Variants in SPAG17 observed in about 807,000 individuals in gnomAD.
SPAG17 encodes sperm associated antigen 17, also known as sperm-associated antigen 17.
In SPAG17, 169 loss-of-function variants were observed where a neutral mutation model predicts 273.6. The observed-to-expected ratio is 0.62, with a 90% confidence interval of 0.55 to 0.70. SPAG17 has a LOEUF of 0.70. SPAG17 is among the 30% of genes least tolerant of loss of function. SPAG17 has a pLI of 0.00. For missense variants in SPAG17, 2,557 were observed against 2,627.8 expected (o/e 0.97, Z 0.59); for synonymous variants, 825 against 873.2 (o/e 0.94, Z 0.97).
At chr1:118,000,757 T>A (rs902859532) in intron 32 of SPAG17, among the ~76,000 whole-genome samples, 1 of 152,202 alleles carries the variant, frequency 6.6e-6, no homozygotes, top group Non-Finnish European at 1.5e-5. Flanking sequence ...TACAATCATG[T>A]CATCTGCAAA....
chr1:118,100,932 A>G (rs952359797), intron 5 of SPAG17, among the ~76,000 whole-genome samples: 2 of 152,030 alleles, frequency 1.3e-5, no homozygotes, highest in Non-Finnish European at 2.9e-5. Flanking sequence ...AAATTAACTG[A>G]TCTGATTTTA....
chr1:118,160,580 A>G (rs1659861143), intron 1 of SPAG17, among the ~76,000 whole-genome samples: 3 of 152,362 alleles, frequency 2.0e-5, no homozygotes, highest in East Asian at 3.9e-4. Context: ...CTACAAAGCC[A>G]TGGATATAAT....
chr1:118,172,760 A>C (rs1262724889), intron 1 of SPAG17, among the ~76,000 whole-genome samples: 2 of 152,176 alleles, frequency 1.3e-5, no homozygotes, highest in African/African-American at 4.8e-5. Context: ...ACCATGCTTC[A>C]CTTAACATTA....
At chr1:118,001,702 C>T (rs955889912) in intron 32 of SPAG17, among the ~76,000 whole-genome samples, 2 of 151,940 alleles carry the variant, frequency 1.3e-5, no homozygotes, top group Non-Finnish European at 2.9e-5. Flanking sequence ...CTATTTGATT[C>T]TTCTCTCTTT....
rs761509904 is a variant in SPAG17 at position 118,073,896 on chromosome 1, G to C, written c.2343C>G (p.Asp781Glu). 3.2e-6 allele frequency: 5 copies of C among 1,578,226 alleles called. No homozygotes were observed. The highest frequency in any genetic ancestry group is 3.4e-6 in the Non-Finnish European group (4 of 1,167,934). Residue 781 changes from aspartate (D) to glutamate (E), a missense_variant, in exon 17 of 49, where the codon GAC becomes GAG. Transcript: ENST00000336338. The part of the protein sequence containing the change: ...IKKTQQRSLM[D>E]WSFTEHFKPK... The stretch of plus-strand genomic sequence containing the variant: ...GTTTAAAATGTTCAGTAAAACTCCA[G>C]TCCATTAGACTGCGCTGCTGTGTTT...
At chr1:118,062,196 G>A (rs1439732210) in intron 18 of SPAG17, among the ~76,000 whole-genome samples, 2 of 151,526 alleles carry the variant, frequency 1.3e-5, no homozygotes, top group African/African-American at 2.4e-5. Context: ...GTGAAATCCC[G>A]TCTCTACTAA....
chr1:118,101,980 T>G, intron 4 of SPAG17, 54 bp from the exon 5 acceptor site: 1 of 1,411,460 alleles, frequency 7.1e-7, no homozygotes, highest in Non-Finnish European at 9.8e-7. Flanking sequence ...AAGCAATGGC[T>G]TTTCTACTGC....
At chr1:118,117,243 G>A (rs1414202591) in intron 3 of SPAG17, among the ~76,000 whole-genome samples, 3 of 152,128 alleles carry the variant, frequency 2.0e-5, no homozygotes, top group Non-Finnish European at 2.9e-5. Context: ...ACTGAAAAGT[G>A]TTACCCCAGA....
chr1:117,957,038 G>A, intron 48 of SPAG17: 1 of 1,529,270 alleles, frequency 6.5e-7, no homozygotes, highest in Admixed American at 2.2e-5. Flanking sequence ...AACAAATGTG[G>A]CATTTTTATA....
intron 3 of SPAG17, among the ~76,000 whole-genome samples, chr1:118,128,618 A>G: frequency 6.6e-6 from 1 of 152,142 alleles, no homozygotes; most frequent in African/African-American, 2.4e-5. Context: ...GAGACTAGTG[A>G]TTGAGACCCT....
At chr1:118,047,592 C>T (rs1007925949) in intron 20 of SPAG17, among the ~76,000 whole-genome samples, 1 of 152,128 alleles carries the variant, frequency 6.6e-6, no homozygotes, top group African/African-American at 2.4e-5. Context: ...GGACAGTCCT[C>T]AGATCCCAGA....
intron 17 of SPAG17, 80 bp from the exon 18 acceptor site, chr1:118,066,979 C>T: frequency 1.5e-6 from 2 of 1,341,018 alleles, no homozygotes; most frequent in Non-Finnish European, 2.0e-6. Flanking sequence ...CATTTCTCTA[C>T]TCCCTTTTTT....
intron 17 of SPAG17, among the ~76,000 whole-genome samples, chr1:118,069,284 G>T (rs909460602): frequency 7.0e-6 from 1 of 142,216 alleles, no homozygotes; most frequent in Non-Finnish European, 1.5e-5. Context: ...GGCGGAGGTT[G>T]CAGTGAGCCG....
intron 3 of SPAG17, among the ~76,000 whole-genome samples, chr1:118,126,043 G>GGTT (rs374451307): frequency 7.3e-6 from 1 of 136,750 alleles, no homozygotes; most frequent in African/African-American, 2.7e-5. Flanking sequence ...GTTATTTTCT[G>GGTT]TTTTTTTTTT....
In SPAG17 at chr1:118,041,983, TTTC is replaced by T; in HGVS notation, c.2871_2873del (p.Lys958del). The stretch of plus-strand genomic sequence containing the variant: ...CAGCTTCTTTACCCTTCTTCTCTGC[TTTC>T]TTTTCTTCCCTTAAGCGCTCCTCTT... On this transcript the variant is annotated inframe_deletion, in exon 21 of 49. Coordinates refer to ENST00000336338, the MANE Select transcript of SPAG17 (RefSeq NM_206996.4). The T allele has an allele frequency of 6.2e-7, 1 of 1,614,072 alleles. No individual in the cohort carries two copies. The highest frequency in any genetic ancestry group is 8.5e-7 in the Non-Finnish European group (1 of 1,179,966).
chr1:117,979,860 A>AT lies in SPAG17; in HGVS notation c.6004+1409dup, dbSNP rs945961239. ...TTCTTATACTTGTCTCAACTCAACT[A>AT]TTTTTTTACAATGAGGCCTTCTAAT... On this transcript the variant is annotated intron_variant, in intron 43 of 48. Coordinates refer to ENST00000336338, the MANE Select transcript of SPAG17 (RefSeq NM_206996.4). Among the ~76,000 whole-genome samples, 5 of 152,080 alleles carry AT rather than the reference A, an allele frequency of 3.3e-5. No individual in the cohort carries two copies. In the South Asian group the frequency reaches 6.2e-4, roughly 19 times the overall value.
chr1:117,995,695 AACACACACACAC>A (rs10570645), intron 34 of SPAG17, among the ~76,000 whole-genome samples: 12 of 140,746 alleles, frequency 8.5e-5, no homozygotes, highest in East Asian at 4.5e-4. Context: ...AAGATGAAAT[AACACACACACAC>A]ACACACACAC....
At chr1:117,967,982 T>TG (rs1654066146) in intron 46 of SPAG17, among the ~76,000 whole-genome samples, 1 of 152,246 alleles carries the variant, frequency 6.6e-6, no homozygotes, top group Non-Finnish European at 1.5e-5. Flanking sequence ...AATGTACTTG[T>TG]GAGCATATGC....
At chr1:118,145,504 A>G (rs1658926561) in intron 3 of SPAG17, among the ~76,000 whole-genome samples, 1 of 152,214 alleles carries the variant, frequency 6.6e-6, no homozygotes, top group African/African-American at 2.4e-5. Flanking sequence ...GGTGAAATGC[A>G]TTAGATCTGA....
Sources: allele counts gnomAD v4.1 joint callset (sites outside exome capture counted in the v4.1 genomes callset), GRCh38; gene constraint gnomAD v4.1.1; transcripts MANE v1.5; gene names NCBI Gene and HGNC (gene_info 2026-07-23, HGNC 2026-07-21).